ST8SIA6: variants seen among roughly 807,000 people sequenced by gnomAD.
ST8SIA6 encodes ST8 alpha-N-acetyl-neuraminide alpha-2,8-sialyltransferase 6.
ST8SIA6 carries 39 observed loss-of-function variants against 33.6 expected under a neutral mutation model. The observed-to-expected ratio is 1.16, with a 90% CI of 0.90 to 1.52. ST8SIA6 has a LOEUF of 1.52. Among genes scored for constraint, ST8SIA6 ranks in the 40% most tolerant of loss-of-function variants. The pLI, the probability that ST8SIA6 is intolerant of heterozygous loss-of-function variation, is 0.00. For synonymous variants in ST8SIA6, 172 were observed against 167.2 expected, an observed-to-expected ratio of 1.03 and a Z score of -0.22; for missense variants, 441 against 443.8, an observed-to-expected ratio of 0.99 and a Z score of 0.06.
chr10:17,322,432 T>A (rs1056749373), intron 7 of ST8SIA6, among the ~76,000 whole-genome samples: 1 of 152,100 alleles, frequency 6.6e-6, no homozygotes, highest in Non-Finnish European at 1.5e-5. Context: ...TAATCGTGAG[T>A]GTTTAGAAAA....
At chr10:17,333,834 G>A (rs570250181) in intron 4 of ST8SIA6, among the ~76,000 whole-genome samples, 1 of 142,686 alleles carries the variant, frequency 7.0e-6, no homozygotes, top group East Asian at 2.2e-4. Flanking sequence ...CAATTCTCCT[G>A]CCTCAGCCTC....
chr10:17,369,801 C>T (rs1258689183), intron 3 of ST8SIA6, among the ~76,000 whole-genome samples: 2 of 152,068 alleles, frequency 1.3e-5, no homozygotes, highest in African/African-American at 4.8e-5. Flanking sequence ...TATCTCTTAA[C>T]TTTATTGTTT....
intron 2 of ST8SIA6, among the ~76,000 whole-genome samples, chr10:17,448,598 GTTGTTGTTGTTC>G (rs1463976211): frequency 2.5e-4 from 35 of 137,428 alleles, no homozygotes; most frequent in African/African-American, 7.6e-4. Flanking sequence ...GGTTTTTATT[GTTGTTGTTGTTC>G]TTGTTGTTGT....
intron 2 of ST8SIA6, among the ~76,000 whole-genome samples, chr10:17,393,634 C>G (rs1850700128): frequency 6.6e-6 from 1 of 152,132 alleles, no homozygotes; most frequent in Non-Finnish European, 1.5e-5. Flanking sequence ...GAGACTTCAG[C>G]ACACCTGTGT....
At chr10:17,386,287 C>T (rs1046327896) in intron 3 of ST8SIA6, among the ~76,000 whole-genome samples, 10 of 151,156 alleles carry the variant, frequency 6.6e-5, no homozygotes, top group Non-Finnish European at 1.5e-4. Flanking sequence ...GTCAGGAGTT[C>T]GATCACAAGG....
intron 2 of ST8SIA6, among the ~76,000 whole-genome samples, chr10:17,415,181 A>G (rs1851564514): frequency 6.6e-6 from 1 of 152,144 alleles, no homozygotes; most frequent in Non-Finnish European, 1.5e-5. Flanking sequence ...CTATTCCCTC[A>G]TCAGAAGACT....
intron 2 of ST8SIA6, among the ~76,000 whole-genome samples, chr10:17,403,307 C>T (rs45469497): frequency 0.039 from 5,934 of 152,152 alleles, 163 homozygotes; most frequent in South Asian, 0.056. Context: ...TGTCTTTAGG[C>T]GAGTAGAGAG....
intron 2 of ST8SIA6, 115 bp from the exon 3 acceptor site, chr10:17,390,735 A>C (rs1850564964): frequency 2.7e-6 from 2 of 740,032 alleles, no homozygotes; most frequent in Non-Finnish European, 4.3e-6. Context: ...TCTCATCTTT[A>C]CTCCATTATT....
At chr10:17,445,715 T>C (rs1481430433) in intron 2 of ST8SIA6, among the ~76,000 whole-genome samples, 1 of 152,172 alleles carries the variant, frequency 6.6e-6, no homozygotes, top group Non-Finnish European at 1.5e-5. Context: ...TATTCTATTG[T>C]ATCGTACTAC....
Position 17,317,375 on chromosome 10 carries a change from T to A in ST8SIA6, c.*3503A>T, listed in dbSNP as rs1057268176. On this transcript the variant is annotated 3_prime_UTR_variant, in exon 8 of 8. Transcript: ENST00000377602. ...GGTGACACTGTTCCTCGCTATGGGATCAGCCTTCTGAAGCCACATGTAAAT... is the reference window on the plus strand; with the variant it reads ...GGTGACACTGTTCCTCGCTATGGGAACAGCCTTCTGAAGCCACATGTAAAT... 1.3e-5 allele frequency among the ~76,000 whole-genome samples: 2 copies of A among 152,280 alleles called. No individual in the cohort carries two copies. The highest frequency in any genetic ancestry group is 3.9e-4 in the East Asian group (2 of 5,182).
chr10:17,361,364 A>G (rs912193115), intron 3 of ST8SIA6, among the ~76,000 whole-genome samples: 2 of 152,064 alleles, frequency 1.3e-5, no homozygotes, highest in African/African-American at 4.8e-5. Flanking sequence ...AAAGTATAAT[A>G]ACTTTATGCC....
chr10:17,438,329 G>T (rs553748566), intron 2 of ST8SIA6, among the ~76,000 whole-genome samples: 1 of 152,098 alleles, frequency 6.6e-6, no homozygotes, highest in Admixed American at 6.6e-5. Context: ...GCATTAAACC[G>T]AATCACCTAG....
intron 2 of ST8SIA6, among the ~76,000 whole-genome samples, chr10:17,426,801 G>A (rs771369921): frequency 6.6e-6 from 1 of 152,164 alleles, no homozygotes; most frequent in Non-Finnish European, 1.5e-5. Flanking sequence ...TTTTGGTACA[G>A]AAAAAGTTCT....
At chr10:17,342,985 T>C (rs1329018883) in intron 4 of ST8SIA6, among the ~76,000 whole-genome samples, 2 of 152,170 alleles carry the variant, frequency 1.3e-5, no homozygotes, top group Admixed American at 6.6e-5. Context: ...CAGGGCGTTA[T>C]GATAATGGCT....
chr10:17,430,968 T>C (rs1195868913), intron 2 of ST8SIA6, among the ~76,000 whole-genome samples: 1 of 152,168 alleles, frequency 6.6e-6, no homozygotes, highest in African/African-American at 2.4e-5. Flanking sequence ...TTCCTTTCCC[T>C]GCCTTCAATA....
At chr10:17,404,634 C>G (rs1336243843) in intron 2 of ST8SIA6, among the ~76,000 whole-genome samples, 2 of 152,074 alleles carry the variant, frequency 1.3e-5, no homozygotes, top group East Asian at 3.9e-4. Context: ...GTCTGATCAC[C>G]CTAGTCAGCC....
intron 2 of ST8SIA6, among the ~76,000 whole-genome samples, chr10:17,415,612 C>A (rs2131700546): frequency 6.6e-6 from 1 of 152,194 alleles, no homozygotes; most frequent in South Asian, 2.1e-4. Context: ...GGACACTCAC[C>A]TTCCTGGAAT....
chr10:17,447,815 T>A (rs78379945), intron 2 of ST8SIA6, among the ~76,000 whole-genome samples: 1,807 of 152,198 alleles, frequency 0.012, 26 homozygotes, highest in African/African-American at 0.034. Flanking sequence ...TATTAAAATT[T>A]AAAAAAAATT....
intron 2 of ST8SIA6, among the ~76,000 whole-genome samples, chr10:17,399,867 T>G (rs980396326): frequency 6.6e-6 from 1 of 151,616 alleles, no homozygotes; most frequent in African/African-American, 2.4e-5. Context: ...GCAGTACGCT[T>G]TGATTGCACC....
Sources: allele counts gnomAD v4.1 joint callset (sites outside exome capture counted in the v4.1 genomes callset), GRCh38; gene constraint gnomAD v4.1.1; transcripts MANE v1.5; gene names NCBI Gene and HGNC (gene_info 2026-07-23, HGNC 2026-07-21).